SHC3: variants seen among roughly 807,000 people sequenced by gnomAD.
The protein encoded by SHC3 is SHC adaptor protein 3, also known as SHC-transforming protein 3.
SHC3 carries 15 observed loss-of-function variants against 60.4 expected under a neutral mutation model. That is an observed-to-expected ratio of 0.25 (90% CI 0.17 to 0.38). The LOEUF is 0.38. Ranked by LOEUF, SHC3 falls within the 10% of genes least tolerant of loss-of-function variation. The pLI is 1.00. For missense variants in SHC3, 677 were observed against 786.1 expected, an observed-to-expected ratio of 0.86 and a Z score of 1.66; for synonymous variants, 294 against 325.9, an observed-to-expected ratio of 0.90 and a Z score of 1.05.
intron 2 of SHC3, among the ~76,000 whole-genome samples, chr9:89,097,118 A>T (rs1825715764): frequency 6.6e-6 from 1 of 151,302 alleles, no homozygotes; most frequent in African/African-American, 2.4e-5. Context: ...AAAAAAAAAA[A>T]AAAAAAAAAA....
Position 89,013,406 on chromosome 9 carries a change from T to C in SHC3, c.*41A>G, listed in dbSNP as rs1169651560. 2.7e-6 allele frequency: 4 copies of C among 1,489,186 alleles called. No homozygotes were observed. Among genetic ancestry groups the C allele is most frequent in the Admixed American group, 2.1e-5 (1 of 47,508 alleles). 92.2% of individuals were successfully genotyped at this position (1,489,186 alleles called of 1,614,324 possible). ...CCCGATTCTAGTCCACTCCAGGTCCTCCTGACCTGGTGCGCAGTGCTGGGA... is the reference window on the plus strand; with the variant it reads ...CCCGATTCTAGTCCACTCCAGGTCCCCCTGACCTGGTGCGCAGTGCTGGGA... On this transcript the variant is annotated 3_prime_UTR_variant, in exon 12 of 12. Coordinates refer to ENST00000375835, the MANE Select transcript of SHC3 (RefSeq NM_016848.6).
intron 1 of SHC3, among the ~76,000 whole-genome samples, chr9:89,174,386 T>C (rs1826912787): frequency 6.6e-6 from 1 of 152,212 alleles, no homozygotes; most frequent in African/African-American, 2.4e-5. Context: ...ACTTTTCTGA[T>C]CGTTAAATCT....
rs1158913123 is a variant in SHC3, at chr9:89,008,669, CA to C, written c.*4777del. ...AAGTATGCTCAGGTGTGTGCAGGGC[CA>C]GTCAGAAATTGTTTCCAGAAACAGC... On this transcript the variant is annotated 3_prime_UTR_variant, in exon 12 of 12. Coordinates refer to ENST00000375835, the MANE Select transcript of SHC3 (RefSeq NM_016848.6). 2.6e-5 allele frequency: 4 copies of C among 152,182 alleles called. No homozygotes were observed. Among genetic ancestry groups the C allele is most frequent in the African/African-American group, 9.7e-5 (4 of 41,434 alleles). 9.4% of individuals were successfully genotyped at this position (152,182 alleles called of 1,614,324 possible).
At chr9:89,073,956 G>A (rs1290490454) in intron 4 of SHC3, among the ~76,000 whole-genome samples, 1 of 152,198 alleles carries the variant, frequency 6.6e-6, no homozygotes, top group Non-Finnish European at 1.5e-5. Context: ...ACAACCTCCA[G>A]AGCTAGTGAA....
intron 1 of SHC3, among the ~76,000 whole-genome samples, chr9:89,119,072 G>C (rs942226022): frequency 6.6e-6 from 1 of 152,150 alleles, no homozygotes; most frequent in Admixed American, 6.6e-5. Flanking sequence ...AAAAGGTATA[G>C]CATGCCAAGC....
intron 9 of SHC3, among the ~76,000 whole-genome samples, chr9:89,043,469 A>G (rs1368786344): frequency 6.6e-6 from 1 of 152,188 alleles, no homozygotes; most frequent in East Asian, 1.9e-4. Context: ...GGAGAAGATC[A>G]AGAGCCCAAA....
chr9:89,080,378 G>A (rs982053783), intron 2 of SHC3, among the ~76,000 whole-genome samples: 6 of 152,176 alleles, frequency 3.9e-5, no homozygotes, highest in East Asian at 3.9e-4. Flanking sequence ...TGAAAGTCTC[G>A]GAAGCCAGCC....
intron 1 of SHC3, among the ~76,000 whole-genome samples, chr9:89,131,120 C>A (rs1344156964): frequency 6.6e-6 from 1 of 152,166 alleles, no homozygotes; most frequent in Non-Finnish European, 1.5e-5. Flanking sequence ...TCAGAGAATA[C>A]TATAAACACC....
At chr9:89,123,411 T>C (rs1422054525) in intron 1 of SHC3, among the ~76,000 whole-genome samples, 1 of 152,122 alleles carries the variant, frequency 6.6e-6, no homozygotes, top group Non-Finnish European at 1.5e-5. Flanking sequence ...TCAATGATCC[T>C]CTTGAGGGTC....
chr9:89,100,641 C>G (rs1336619132), intron 2 of SHC3, among the ~76,000 whole-genome samples: 1 of 152,202 alleles, frequency 6.6e-6, no homozygotes, highest in Non-Finnish European at 1.5e-5. Context: ...ATCAATATCA[C>G]TTTTCCCCAC....
At chr9:89,061,031 C>G (rs930982584) in intron 6 of SHC3, among the ~76,000 whole-genome samples, 1 of 152,142 alleles carries the variant, frequency 6.6e-6, no homozygotes, top group Admixed American at 6.5e-5. Context: ...GGCTTTCAGG[C>G]AGAGGCCAGG....
chr9:89,106,629 G>T (rs1228905469), intron 2 of SHC3, among the ~76,000 whole-genome samples: 1 of 152,150 alleles, frequency 6.6e-6, no homozygotes, highest in Admixed American at 6.5e-5. Flanking sequence ...GCGGGACCCT[G>T]CTCCAGATGG....
intron 6 of SHC3, among the ~76,000 whole-genome samples, chr9:89,063,178 G>A (rs918030451): frequency 6.6e-6 from 1 of 152,160 alleles, no homozygotes; most frequent in Non-Finnish European, 1.5e-5. Flanking sequence ...TCGCCAGGCT[G>A]GAGTGCAGTG....
chr9:89,119,879 T>C (rs1217130197), intron 1 of SHC3, among the ~76,000 whole-genome samples: 1 of 152,176 alleles, frequency 6.6e-6, no homozygotes, highest in East Asian at 1.9e-4. Flanking sequence ...AGGCGAGTCA[T>C]ACAAGGAATT....
At chr9:89,145,037 G>A (rs945005039) in intron 1 of SHC3, among the ~76,000 whole-genome samples, 8 of 152,056 alleles carry the variant, frequency 5.3e-5, no homozygotes, top group East Asian at 3.9e-4. Flanking sequence ...TTTAAAAATC[G>A]ACTGAAGGTT....
chr9:89,091,129 T>C (rs1647396902), intron 2 of SHC3, among the ~76,000 whole-genome samples: 1 of 152,262 alleles, frequency 6.6e-6, no homozygotes, highest in South Asian at 2.1e-4. Flanking sequence ...AATTGAATTA[T>C]AATTGTCATC....
Position 89,124,738 on chromosome 9 carries a change from C to T in SHC3, c.475-12112G>A, listed in dbSNP as rs149484118. 4.0e-3 allele frequency among the ~76,000 whole-genome samples: 603 copies of T among 151,904 alleles called. 3 individuals are homozygous for T. The highest frequency in any genetic ancestry group is 7.2e-3 in the Non-Finnish European group (492 of 67,958). On this transcript the variant is annotated intron_variant, in intron 1 of 11. Coordinates refer to ENST00000375835, the MANE Select transcript of SHC3 (RefSeq NM_016848.6). ...CGTTAGGACAAATACCTAATGCACA[C>T]GGGGCTTAAAACTTAGATGACAGGT...
chr9:89,070,906 C>A (rs1825259601), intron 5 of SHC3, among the ~76,000 whole-genome samples: 1 of 152,180 alleles, frequency 6.6e-6, no homozygotes, highest in Admixed American at 6.5e-5. Flanking sequence ...AAGCCTGTGG[C>A]AACTCTGGGG....
chr9:89,171,213 C>G (rs1826864143), intron 1 of SHC3, among the ~76,000 whole-genome samples: 1 of 149,992 alleles, frequency 6.7e-6, no homozygotes, highest in South Asian at 2.1e-4. Flanking sequence ...TCCTTGTCAA[C>G]AGAGCTAGAA....
Sources: allele counts gnomAD v4.1 joint callset (sites outside exome capture counted in the v4.1 genomes callset), GRCh38; gene constraint gnomAD v4.1.1; transcripts MANE v1.5; gene names NCBI Gene and HGNC (gene_info 2026-07-23, HGNC 2026-07-21).